Variants in GRIK5 observed in about 807,000 individuals in gnomAD.
GRIK5 encodes glutamate receptor ionotropic, kainate 5.
Under a neutral mutation model 97.4 loss-of-function variants are expected in GRIK5, and 43 were observed. The ratio of observed to expected loss-of-function variants is 0.44; its 90% CI spans 0.35 to 0.57. The LOEUF (loss-of-function observed/expected upper bound fraction) is 0.57, where lower values mean the gene tolerates loss of function less well. GRIK5 is among the 20% of genes least tolerant of loss of function. GRIK5 has a pLI of 0.01. For missense variants in GRIK5, 1,015 were observed against 1,382.0 expected (o/e 0.73, Z 4.21); for synonymous variants, 580 against 583.5 (o/e 0.99, Z 0.09).
chr19:42,068,877 A>C (rs2146199601), intron 1 of GRIK5: 1 of 684,732 alleles, frequency 1.5e-6, no homozygotes, highest in Non-Finnish European at 2.7e-6. Flanking sequence ...GCAGAGGATG[A>C]GGCTCAGAGG....
chr19:42,033,568 G>A (rs1025381039), intron 12 of GRIK5, among the ~76,000 whole-genome samples: 1 of 152,134 alleles, frequency 6.6e-6, no homozygotes, highest in African/African-American at 2.4e-5. Context: ...AGTTTTATGG[G>A]AGGTTATGAA....
chr19:42,065,211 G>T lies in GRIK5; in HGVS notation c.244+12C>A, dbSNP rs1245612665. On this transcript the variant is annotated intron_variant, in intron 3 of 19. Transcript: ENST00000593562. This position sits in a 1 kb window ranked among gnomAD's most constrained non-coding sequence, Gnocchi z 5.8. ...GCCCTGCCTCACCCCACGCCCCCAT[G>T]GCCCCGCTCACTGGTGTCCGTGGTC... is the stretch of plus-strand genomic sequence containing the variant. 2.5e-6 allele frequency: 4 copies of T among 1,602,276 alleles called. No homozygotes were observed. The highest frequency in any genetic ancestry group is 1.7e-5 in the Admixed American group (1 of 59,574).
intron 11 of GRIK5, among the ~76,000 whole-genome samples, chr19:42,047,712 G>A (rs1258989336): frequency 1.3e-5 from 2 of 152,108 alleles, no homozygotes; most frequent in African/African-American, 2.4e-5. Flanking sequence ...GATCATGCCT[G>A]TAATCCTAGC....
Position 42,022,144 on chromosome 19 carries a change from C to A in GRIK5, c.1588-88G>T. On this transcript the variant is annotated intron_variant, in intron 13 of 19. Transcript: ENST00000593562. This position sits in a 1 kb window ranked among gnomAD's most constrained non-coding sequence, Gnocchi z 4.2. Reference sequence around the variant, plus strand: ...CCCTACCAGGGACCTGGGAGCCTGACCGGCCCATCTGAGGTCCTGGGGCTG... The same window carrying A: ...CCCTACCAGGGACCTGGGAGCCTGAACGGCCCATCTGAGGTCCTGGGGCTG... 7.2e-7 allele frequency: 1 copy of A among 1,395,706 alleles called. No homozygotes were observed. The allele number at this position is 1,395,706 out of a possible 1,614,324, so 86.5% of individuals were successfully genotyped here. A position where few individuals can be genotyped will look rare whatever the true frequency, so the allele number is the denominator to read the frequency against.
Position 41,998,867 on chromosome 19 carries a change from G to C in GRIK5, c.*4C>G, listed in dbSNP as rs1296952603. The stretch of plus-strand genomic sequence containing the variant: ...TCCGGGCGCCCGCACAGCCCCGCCC[G>C]TGGTCACTCGTGCTCCGCCAGCTCC... On this transcript the variant is annotated 3_prime_UTR_variant, in exon 20 of 20. Transcript: ENST00000593562. 1 of 1,117,028 alleles carries C rather than the reference G, an allele frequency of 9.0e-7. No individual in the cohort carries two copies. Among genetic ancestry groups the C allele is most frequent in the Non-Finnish European group, 1.1e-6 (1 of 914,098 alleles). 69.2% of individuals were successfully genotyped at this position (1,117,028 alleles called of 1,614,324 possible).
At chr19:42,026,719 C>A (rs1473587659) in intron 12 of GRIK5, among the ~76,000 whole-genome samples, 2 of 151,866 alleles carry the variant, frequency 1.3e-5, no homozygotes, top group Non-Finnish European at 2.9e-5. Flanking sequence ...CAGGTGAATG[C>A]CACCATGCCC....
At position 42,003,507 on chromosome 19, in the gene GRIK5, G is replaced by A; in HGVS notation, c.2392+48C>T. The A allele has an allele frequency of 6.2e-7, 1 of 1,605,588 alleles. No homozygotes were observed. The highest frequency in any genetic ancestry group is 8.5e-7 in the Non-Finnish European group (1 of 1,173,904). On this transcript the variant is annotated intron_variant, in intron 18 of 19. Coordinates refer to ENST00000593562, the MANE Select transcript of GRIK5 (RefSeq NM_002088.5). The surrounding 1 kb of genome is among the most constrained non-coding windows in gnomAD (Gnocchi z 4.2). ...AGGGAGTTGGGGCTGTGTGGGAAGG[G>A]GGCTGGGAGGGGGCTATGGGAAGGG...
chr19:42,006,084 G>A lies in GRIK5; in HGVS notation c.2038-136C>T, dbSNP rs931630193. ...TGATCAAAGGAAGACAGAGCCAAAG[G>A]TAGAGGAGAGAGAGGAGATGGACAA... On this transcript the variant is annotated intron_variant, in intron 16 of 19. Coordinates refer to ENST00000593562, the MANE Select transcript of GRIK5 (RefSeq NM_002088.5). The surrounding 1 kb of genome is among the most constrained non-coding windows in gnomAD (Gnocchi z 5.3). 45 of 643,238 alleles carry A rather than the reference G, an allele frequency of 7.0e-5. No homozygotes were observed. In the Admixed American group the frequency reaches 9.4e-4, roughly 13 times the overall value. The allele number at this position is 643,238 out of a possible 1,614,324, so 39.8% of individuals were successfully genotyped here.
chr19:42,007,102 T>C (rs1052039390), intron 15 of GRIK5, among the ~76,000 whole-genome samples: 1 of 151,920 alleles, frequency 6.6e-6, no homozygotes, highest in Non-Finnish European at 1.5e-5. Flanking sequence ...TTTTTCTTTT[T>C]TTTTTTTTTT....
At chr19:42,050,820 G>A (rs1289601933) in intron 11 of GRIK5, among the ~76,000 whole-genome samples, 1 of 151,484 alleles carries the variant, frequency 6.6e-6, no homozygotes, top group Non-Finnish European at 1.5e-5. Context: ...TGAAGATTGT[G>A]TCACATGAGC....
rs999546794 is a variant in GRIK5, at chr19:42,062,039, C to T, written c.508+449G>A. 3.3e-5 allele frequency among the ~76,000 whole-genome samples: 5 copies of T among 152,214 alleles called. No homozygotes were observed. The highest frequency in any genetic ancestry group is 1.2e-4 in the African/African-American group (5 of 41,444). On this transcript the variant is annotated intron_variant, in intron 5 of 19. Coordinates refer to ENST00000593562, the MANE Select transcript of GRIK5 (RefSeq NM_002088.5). The surrounding 1 kb of genome is among the most constrained non-coding windows in gnomAD (Gnocchi z 5.3). Reference sequence around the variant, plus strand: ...ACTTAGAACCTGTTCCCTCTTTCTTCCCACACCCTTCAGGTTCAGCTTGGA... The same window carrying T: ...ACTTAGAACCTGTTCCCTCTTTCTTTCCACACCCTTCAGGTTCAGCTTGGA...
Position 42,003,624 on chromosome 19 carries a change from G to A in GRIK5, c.2323C>T (p.Leu775=). The change falls in exon 18 of 20, where the codon CTG becomes TTG. Residue 775 remains leucine (L), a synonymous_variant. Coordinates refer to ENST00000593562, the MANE Select transcript of GRIK5 (RefSeq NM_002088.5). The surrounding 1 kb of genome is among the most constrained non-coding windows in gnomAD (Gnocchi z 4.2). ...AILQLQENNR[L]EILKRKWWEG... is the part of the protein sequence containing the mutation. ...CACCACTTGCGCTTCAGGATCTCCA[G>A]CCGGTTGTTCTCCTGAAGCTGCAGG... 6.2e-7 allele frequency: 1 copy of A among 1,613,758 alleles called. No individual in the cohort carries two copies. The highest frequency in any genetic ancestry group is 8.5e-7 in the Non-Finnish European group (1 of 1,179,820).
intron 11 of GRIK5, among the ~76,000 whole-genome samples, chr19:42,045,320 C>T (rs2076030094): frequency 6.6e-6 from 1 of 152,138 alleles, no homozygotes; most frequent in African/African-American, 2.4e-5. Context: ...CAGAGCAGCC[C>T]CCATTTAAGG....
At chr19:42,066,056 T>G (rs2146189778) in intron 1 of GRIK5, among the ~76,000 whole-genome samples, 1 of 152,068 alleles carries the variant, frequency 6.6e-6, no homozygotes, top group South Asian at 2.1e-4. Flanking sequence ...AGGCGCTGAG[T>G]AGGACAGGCT....
At chr19:42,053,458 C>T in intron 11 of GRIK5, 144 bp downstream of exon 11, 1 of 618,826 alleles carries the variant, frequency 1.6e-6, no homozygotes, top group Non-Finnish European at 2.9e-6. Context: ...ACCTTGTTCA[C>T]AACCTGGAGT....
chr19:42,065,609 G>T lies in GRIK5; in HGVS notation c.79+83C>A. ...TGCTGCTGAAGAGAGCTGAGACCTG[G>T]ACCCTGACGGACTGGCATGCCTGGG... On this transcript the variant is annotated intron_variant, in intron 2 of 19. Transcript: ENST00000593562. This position sits in a 1 kb window ranked among gnomAD's most constrained non-coding sequence, Gnocchi z 5.8. 8.2e-7 allele frequency: 1 copy of T among 1,214,506 alleles called. No homozygotes were observed. The highest frequency in any genetic ancestry group is 1.3e-5 in the South Asian group (1 of 74,790). 75.2% of individuals were successfully genotyped at this position (1,214,506 alleles called of 1,614,324 possible).
At chr19:42,038,602 C>T (rs1287950735) in intron 12 of GRIK5, among the ~76,000 whole-genome samples, 1 of 152,270 alleles carries the variant, frequency 6.6e-6, no homozygotes, top group Non-Finnish European at 1.5e-5. Context: ...TCAGTGTACT[C>T]CGAGCTTCCC....
At chr19:42,049,000 C>T (rs552931765) in intron 11 of GRIK5, among the ~76,000 whole-genome samples, 1 of 152,216 alleles carries the variant, frequency 6.6e-6, no homozygotes, top group East Asian at 1.9e-4. Context: ...ACGATTGGGC[C>T]ACTGCACTCC....
In GRIK5 at chr19:42,062,582, C is replaced by T. The variant is rs1300995525; in HGVS notation, c.414G>A (p.Leu138=). The T allele has an allele frequency of 3.7e-6, 6 of 1,614,178 alleles. No individual in the cohort carries two copies. The highest frequency in any genetic ancestry group is 3.3e-5 in the Admixed American group (2 of 60,032). The change falls in exon 5 of 20, where the codon CTG becomes CTA. Residue 138 remains leucine (L), a synonymous_variant. Coordinates refer to ENST00000593562, the MANE Select transcript of GRIK5 (RefSeq NM_002088.5). This position sits in a 1 kb window ranked among gnomAD's most constrained non-coding sequence, Gnocchi z 5.3. ...AGCTGACGTCCTCGTTACTGGGGTA[C>T]AGGCTGACAGACGCGAAGCGAAGGT... ...LQYLRFASVS[L]YPSNEDVSLA...
Sources: gnomAD v4.1 joint callset for allele counts (sites outside exome capture counted in the v4.1 genomes callset) on GRCh38, gnomAD v4.1.1 for gene constraint, Gnocchi (gnomAD v3.1) non-coding constraint, MANE v1.5 for transcripts, NCBI Gene and HGNC (gene_info 2026-07-23, HGNC 2026-07-21) for gene names.